The following NUDT3 variants were observed in gnomAD, a reference collection of about 807,000 sequenced individuals.
NUDT3 encodes nudix hydrolase 3.
In NUDT3, 9 loss-of-function variants were observed where a neutral mutation model predicts 23.6. The ratio of observed to expected loss-of-function variants is 0.38; its 90% CI spans 0.23 to 0.66. NUDT3 has a LOEUF of 0.66. Ranked by LOEUF, NUDT3 falls within the 30% of genes least tolerant of loss-of-function variation. NUDT3 has a pLI of 0.52. For missense variants in NUDT3, 172 were observed against 218.5 expected (o/e 0.79, Z 1.34); for synonymous variants, 86 against 82.6 (o/e 1.04, Z -0.22).
At chr6:34,354,735 G>GTATATA (rs142735114) in intron 1 of NUDT3, among the ~76,000 whole-genome samples, 3 of 120,694 alleles carry the variant, frequency 2.5e-5, no homozygotes, top group African/African-American at 8.7e-5. Flanking sequence ...GGGGGAAAAA[G>GTATATA]TATATATATA....
At chr6:34,376,124 T>C (rs1764918533) in intron 1 of NUDT3, among the ~76,000 whole-genome samples, 2 of 152,202 alleles carry the variant, frequency 1.3e-5, no homozygotes, top group Non-Finnish European at 2.9e-5. Context: ...TCACTTCAAA[T>C]TCGACATGAC....
chr6:34,351,197 C>CCAAAAAAAAAAAAAAAAA (rs1347212261), intron 1 of NUDT3, among the ~76,000 whole-genome samples: 1 of 10,966 alleles, frequency 9.1e-5, no homozygotes, highest in Non-Finnish European at 1.7e-4. Flanking sequence ...ACTCCCCTGC[C>CCAAAAAAAAAAAAAAAAA]TAAAAAAAAA....
intron 1 of NUDT3, among the ~76,000 whole-genome samples, chr6:34,383,635 C>G (rs976684160): frequency 2.0e-5 from 3 of 152,116 alleles, no homozygotes; most frequent in African/African-American, 7.2e-5. Flanking sequence ...CCTTTCTGTA[C>G]TAGGCTATGA....
At chr6:34,306,811 A>C (rs892787761) in intron 2 of NUDT3, among the ~76,000 whole-genome samples, 2 of 152,242 alleles carry the variant, frequency 1.3e-5, no homozygotes, top group Non-Finnish European at 2.9e-5. Flanking sequence ...CTTTAATTCC[A>C]GTTGTTAAAA....
At chr6:34,325,184 T>C (rs1764006066) in intron 2 of NUDT3, among the ~76,000 whole-genome samples, 1 of 152,200 alleles carries the variant, frequency 6.6e-6, no homozygotes, top group Admixed American at 6.5e-5. Flanking sequence ...CCTTCTACAT[T>C]AAAACATGAT....
chr6:34,310,424 G>A (rs1016263832), intron 2 of NUDT3, among the ~76,000 whole-genome samples: 1 of 152,080 alleles, frequency 6.6e-6, no homozygotes, highest in Admixed American at 6.6e-5. Flanking sequence ...CAGTTACTCT[G>A]GAGGCTGAGG....
intron 3 of NUDT3, among the ~76,000 whole-genome samples, chr6:34,294,623 G>A (rs1233177012): frequency 6.6e-6 from 1 of 151,736 alleles, no homozygotes; most frequent in African/African-American, 2.4e-5. Flanking sequence ...CTACTTGGGA[G>A]ACTGAGGCAG....
At chr6:34,325,974 T>G (rs1365064810) in intron 2 of NUDT3, among the ~76,000 whole-genome samples, 1 of 152,240 alleles carries the variant, frequency 6.6e-6, no homozygotes, top group African/African-American at 2.4e-5. Flanking sequence ...TCTCAACTTT[T>G]CATTTTGAAA....
intron 2 of NUDT3, among the ~76,000 whole-genome samples, chr6:34,321,714 C>T (rs947098331): frequency 2.0e-5 from 3 of 152,128 alleles, no homozygotes; most frequent in Admixed American, 2.0e-4. Context: ...TACACTCTCA[C>T]CAAGGCGCCC....
At chr6:34,328,506 T>A (rs1248323454) in intron 2 of NUDT3, among the ~76,000 whole-genome samples, 1 of 152,202 alleles carries the variant, frequency 6.6e-6, no homozygotes, top group Non-Finnish European at 1.5e-5. Flanking sequence ...TTGCATATTA[T>A]CCTAATTCAA....
intron 1 of NUDT3, among the ~76,000 whole-genome samples, chr6:34,347,302 G>C (rs464553): frequency 5.3e-5 from 8 of 152,164 alleles, no homozygotes; most frequent in Middle Eastern, 6.8e-3. Context: ...GAACTGGAGA[G>C]GAAGAGATTA....
chr6:34,356,676 C>T (rs941113236), intron 1 of NUDT3, among the ~76,000 whole-genome samples: 18 of 151,940 alleles, frequency 1.2e-4, no homozygotes, highest in Non-Finnish European at 2.4e-4. Context: ...AACCAACTCA[C>T]TAATTTGGGG....
At chr6:34,381,372 A>G (rs1329295497) in intron 1 of NUDT3, among the ~76,000 whole-genome samples, 1 of 152,050 alleles carries the variant, frequency 6.6e-6, no homozygotes, top group Non-Finnish European at 1.5e-5. Flanking sequence ...ACACATTTTA[A>G]AACTCTTCAG....
Position 34,341,941 on chromosome 6 carries a change from T to C in NUDT3, c.131A>G (p.Asp44Gly). 1 of 1,614,024 alleles carries C rather than the reference T, an allele frequency of 6.2e-7. No individual in the cohort carries two copies. The highest frequency in any genetic ancestry group is 8.5e-7 in the Non-Finnish European group (1 of 1,179,946). The change falls in exon 2 of 5, where the codon GAC (aspartate) becomes GGC (glycine). Residue 44 changes from aspartate (D) to glycine (G), a missense_variant. Around this residue, in one of 3 missense-constraint regions of NUDT3, gnomAD observed 59 missense variants for 107.4 expected, o/e 0.55. Transcript: ENST00000607016. Reference sequence around the variant, plus strand: ...GCCTCCTCCAGGGACAATCCATCTGTCTGGATGGCGACTACTGCTCACGAG... The same window carrying C: ...GCCTCCTCCAGGGACAATCCATCTGCCTGGATGGCGACTACTGCTCACGAG... ...VLLVSSSRHP[D>G]RWIVPGGGME...
chr6:34,297,606 C>T (rs1341976699), intron 2 of NUDT3, among the ~76,000 whole-genome samples: 1 of 146,196 alleles, frequency 6.8e-6, no homozygotes, highest in South Asian at 2.2e-4. Flanking sequence ...GGCATGATCT[C>T]GGCTCACTAC....
intron 2 of NUDT3, among the ~76,000 whole-genome samples, chr6:34,296,038 T>A (rs543996939): frequency 6.6e-5 from 10 of 152,284 alleles, no homozygotes; most frequent in African/African-American, 2.4e-4. Context: ...GAGGCTGAAT[T>A]GGGAGGATCG....
At chr6:34,356,342 C>T (rs1186960625) in intron 1 of NUDT3, among the ~76,000 whole-genome samples, 1 of 152,106 alleles carries the variant, frequency 6.6e-6, no homozygotes, top group East Asian at 1.9e-4. Flanking sequence ...CCTTATTATC[C>T]TTTCGATATC....
intron 1 of NUDT3, among the ~76,000 whole-genome samples, chr6:34,363,131 C>A (rs1391216390): frequency 6.6e-6 from 1 of 152,172 alleles, no homozygotes; most frequent in Non-Finnish European, 1.5e-5. Context: ...CGTGGTTTTC[C>A]CCTCTACTTT....
chr6:34,345,443 C>A (rs948701040), intron 1 of NUDT3, among the ~76,000 whole-genome samples: 15 of 151,538 alleles, frequency 9.9e-5, no homozygotes, highest in African/African-American at 3.4e-4. Context: ...GCGGGCAGAT[C>A]ACAAGGTCAG....
Sources: gnomAD v4.1 joint callset for allele counts (sites outside exome capture counted in the v4.1 genomes callset) on GRCh38, gnomAD v4.1.1 for gene constraint, gnomAD v4.1.1 regional missense constraint, MANE v1.5 for transcripts, NCBI Gene and HGNC (gene_info 2026-07-23, HGNC 2026-07-21) for gene names.